SVIL: variants seen among roughly 807,000 people sequenced by gnomAD.
The protein encoded by SVIL is supervillin.
SVIL carries 101 observed loss-of-function variants against 240.4 expected under a neutral mutation model. The observed-to-expected ratio is 0.42, with a 90% confidence interval of 0.36 to 0.50. The LOEUF (loss-of-function observed/expected upper bound fraction) is 0.50, where lower values mean the gene tolerates loss of function less well. Among genes scored for constraint, SVIL ranks in the 20% least tolerant of loss-of-function variants. The pLI is 0.01. For missense variants in SVIL, 2,512 were observed against 2,818.7 expected (o/e 0.89, Z 2.46); for synonymous variants, 999 against 1,100.0 (o/e 0.91, Z 1.82).
At chr10:29,603,345 T>G (rs1956886927) in intron 1 of SVIL, among the ~76,000 whole-genome samples, 1 of 152,152 alleles carries the variant, frequency 6.6e-6, no homozygotes, top group Non-Finnish European at 1.5e-5. Context: ...TTTTGTTTCC[T>G]GAAAGACTAA....
chr10:29,716,440 C>G (rs1004282531), intron 1 of SVIL, among the ~76,000 whole-genome samples: 1 of 151,844 alleles, frequency 6.6e-6, no homozygotes, highest in Non-Finnish European at 1.5e-5. Context: ...ACAATCAGAA[C>G]AGTCAAGAAA....
intron 26 of SVIL, among the ~76,000 whole-genome samples, chr10:29,485,417 C>T (rs929291584): frequency 2.0e-5 from 3 of 152,220 alleles, no homozygotes; most frequent in African/African-American, 7.2e-5. Flanking sequence ...TGAGTTCTCC[C>T]TTCACTTCCA....
At chr10:29,698,936 C>G (rs907647790) in intron 1 of SVIL, among the ~76,000 whole-genome samples, 1 of 152,156 alleles carries the variant, frequency 6.6e-6, no homozygotes, top group Non-Finnish European at 1.5e-5. Context: ...ACACCTGTTT[C>G]CAGCAAAAAG....
chr10:29,579,388 A>C (rs1955840406), intron 1 of SVIL, among the ~76,000 whole-genome samples: 1 of 152,158 alleles, frequency 6.6e-6, no homozygotes, highest in Non-Finnish European at 1.5e-5. Flanking sequence ...CAGTGAGCAG[A>C]GATTGCGTCA....
At position 29,499,085 on chromosome 10, in the gene SVIL, A is replaced by C. The variant is rs771491839; in HGVS notation, c.3664+31T>G. ...GTGCTCACGTGTGTGCATTGTGCAC[A>C]CACCACACACATGGACACACACACA... On this transcript the variant is annotated intron_variant, in intron 18 of 37. Coordinates refer to ENST00000355867, the MANE Select transcript of SVIL (RefSeq NM_021738.3). 3.8e-6 allele frequency: 6 copies of C among 1,597,924 alleles called. No individual in the cohort carries two copies. In the East Asian group the frequency reaches 1.3e-4, roughly 36 times the overall value.
At chr10:29,545,853 C>CAAAAAAAAAAAAAAAAAAAA (rs755360700) in intron 6 of SVIL, among the ~76,000 whole-genome samples, 4 of 63,566 alleles carry the variant, frequency 6.3e-5, no homozygotes, top group Non-Finnish European at 1.1e-4. Context: ...GACTCTGTCT[C>CAAAAAAAAAAAAAAAAAAAA]AAAAAAAAAA....
chr10:29,572,590 C>G (rs1463662889), intron 1 of SVIL, among the ~76,000 whole-genome samples: 1 of 151,728 alleles, frequency 6.6e-6, no homozygotes. Flanking sequence ...CATGGTGAGG[C>G]CCTGTCTCTA....
At chr10:29,482,493 C>T (rs1027980730) in intron 27 of SVIL, among the ~76,000 whole-genome samples, 1 of 152,186 alleles carries the variant, frequency 6.6e-6, no homozygotes, top group Non-Finnish European at 1.5e-5. Context: ...AGAGGTAGCT[C>T]CCTCCTCAAT....
intron 3 of SVIL, among the ~76,000 whole-genome samples, chr10:29,641,724 T>G (rs1264539948): frequency 6.6e-6 from 1 of 152,224 alleles, no homozygotes; most frequent in African/African-American, 2.4e-5. Flanking sequence ...GAAATGACAC[T>G]TAACCCTTAG....
intron 29 of SVIL, among the ~76,000 whole-genome samples, chr10:29,480,253 G>A: frequency 6.6e-6 from 1 of 152,210 alleles, no homozygotes; most frequent in East Asian, 1.9e-4. Context: ...AAGCTCTGGG[G>A]ACAGGGGCAG....
At chr10:29,702,000 C>A (rs1247931325) in intron 1 of SVIL, among the ~76,000 whole-genome samples, 1 of 151,766 alleles carries the variant, frequency 6.6e-6, no homozygotes, top group Non-Finnish European at 1.5e-5. Flanking sequence ...ACGGTGAAAC[C>A]CCATTTCTAC....
intron 1 of SVIL, among the ~76,000 whole-genome samples, chr10:29,585,908 G>A (rs572649667): frequency 2.6e-5 from 4 of 152,356 alleles, no homozygotes; most frequent in East Asian, 1.9e-4. Context: ...CTCTGAGCGC[G>A]GTCACTGCCC....
At chr10:29,639,462 C>A (rs1958414138), upstream of SVIL, among the ~76,000 whole-genome samples, 1 of 141,502 alleles carries the variant, frequency 7.1e-6, no homozygotes, top group African/African-American at 2.8e-5. Flanking sequence ...AGCCACTGCG[C>A]CTGGCCCTTT....
At position 29,499,275 on chromosome 10, in the gene SVIL, T is replaced by G. The variant is rs534395639; in HGVS notation, c.3517-12A>C. ...CTTTCTGTGACCCGCTGTTCATAAA[T>G]GTACAGAAGAGAAAACAGGAGAGAG... On this transcript the variant is annotated splice_polypyrimidine_tract_variant and intron_variant, in intron 17 of 37. Transcript: ENST00000355867. 2.0e-4 allele frequency: 316 copies of G among 1,614,146 alleles called. No homozygotes were observed. The highest frequency in any genetic ancestry group is 5.5e-4 in the Admixed American group (33 of 60,012).
intron 3 of SVIL, among the ~76,000 whole-genome samples, chr10:29,653,931 G>A (rs1314844225): frequency 1.3e-5 from 2 of 152,118 alleles, no homozygotes; most frequent in East Asian, 3.9e-4. Context: ...TAGAATACCA[G>A]TACCACACTA....
chr10:29,590,366 T>C (rs1206410586), intron 1 of SVIL, among the ~76,000 whole-genome samples: 1 of 152,040 alleles, frequency 6.6e-6, no homozygotes, highest in Non-Finnish European at 1.5e-5. Context: ...CCCCTGACAC[T>C]CAGCCTTGAC....
intron 36 of SVIL, among the ~76,000 whole-genome samples, chr10:29,460,365 C>A (rs1944101581): frequency 6.6e-6 from 1 of 152,132 alleles, no homozygotes; most frequent in Non-Finnish European, 1.5e-5. Context: ...CCTGACTCTT[C>A]TCCGGCTGGA....
chr10:29,698,893 G>A (rs550698674), intron 1 of SVIL, among the ~76,000 whole-genome samples: 1 of 152,258 alleles, frequency 6.6e-6, no homozygotes, highest in Admixed American at 6.5e-5. Context: ...CACAACTGGT[G>A]ACTCTGCAGT....
intron 1 of SVIL, among the ~76,000 whole-genome samples, chr10:29,580,453 A>G (rs1293904242): frequency 6.6e-6 from 1 of 152,202 alleles, no homozygotes; most frequent in Non-Finnish European, 1.5e-5. Flanking sequence ...ATGAGAGAAC[A>G]CGTATAGAAG....
Sources: gnomAD v4.1 joint callset for allele counts (sites outside exome capture counted in the v4.1 genomes callset) on GRCh38, gnomAD v4.1.1 for gene constraint, MANE v1.5 for transcripts, NCBI Gene and HGNC (gene_info 2026-07-23, HGNC 2026-07-21) for gene names.